PKIG: variants seen among roughly 807,000 people sequenced by gnomAD.
PKIG encodes cAMP-dependent protein kinase inhibitor gamma, also known as protein kinase (cAMP-dependent, catalytic) inhibitor gamma.
In PKIG, 1 loss-of-function variant was observed where a neutral mutation model predicts 6.8. The observed-to-expected ratio is 0.15, with a 90% CI of 0.05 to 0.69. The LOEUF (loss-of-function observed/expected upper bound fraction) is 0.69. Among genes scored for constraint, PKIG ranks in the 30% least tolerant of loss-of-function variants. The probability of loss-of-function intolerance (pLI) is 0.82; values close to 1 mark genes in which losing one functional copy is unlikely to be tolerated. For synonymous variants in PKIG, 39 were observed against 43.0 expected (o/e 0.91, Z 0.36); for missense variants, 77 against 104.0 (o/e 0.74, Z 1.13).
At chr20:44,554,195 A>G (rs1002456066) in intron 1 of PKIG, among the ~76,000 whole-genome samples, 1 of 151,918 alleles carries the variant, frequency 6.6e-6, no homozygotes, top group Non-Finnish European at 1.5e-5. Context: ...CTCGTGCCTC[A>G]GCCTTCCCAG....
At chr20:44,583,909 T>A (rs1031248625) in intron 1 of PKIG, among the ~76,000 whole-genome samples, 5 of 152,142 alleles carry the variant, frequency 3.3e-5, no homozygotes, top group African/African-American at 1.2e-4. Flanking sequence ...CAGGCAACAT[T>A]AAGTTACTTC....
At chr20:44,546,853 C>A (rs2064619893) in intron 1 of PKIG, among the ~76,000 whole-genome samples, 2 of 152,110 alleles carry the variant, frequency 1.3e-5, no homozygotes, top group Non-Finnish European at 2.9e-5. Flanking sequence ...TGCACCCAGG[C>A]CCCTCACTGA....
At position 44,549,709 on chromosome 20, in the gene PKIG, C is replaced by T. The variant is rs2064650477; in HGVS notation, c.-241+17731C>T. Among the ~76,000 whole-genome samples, 8 of 152,124 alleles carry T rather than the reference C, an allele frequency of 5.3e-5. No homozygotes were observed. The South Asian group carries it at 1.7e-3, about 32-fold the overall frequency. On this transcript the variant is annotated intron_variant, in intron 1 of 4. Transcript: ENST00000372887. ...ACATGGTATCACATGCTTGTAGTCTCAGCTACTTGGGAGGCTGAGGTGCGA... is the reference window on the plus strand; with the variant it reads ...ACATGGTATCACATGCTTGTAGTCTTAGCTACTTGGGAGGCTGAGGTGCGA...
chr20:44,562,174 GA>G (rs2064772494), intron 1 of PKIG, among the ~76,000 whole-genome samples: 1 of 151,906 alleles, frequency 6.6e-6, no homozygotes, highest in Non-Finnish European at 1.5e-5. Context: ...TAGAAGTTAT[GA>G]AGTATAAAGC....
At chr20:44,569,152 G>A (rs1164026970) in intron 1 of PKIG, among the ~76,000 whole-genome samples, 1 of 152,140 alleles carries the variant, frequency 6.6e-6, no homozygotes, top group Non-Finnish European at 1.5e-5. Flanking sequence ...TAGGAATGTT[G>A]TACCGTTTTC....
intron 1 of PKIG, among the ~76,000 whole-genome samples, chr20:44,549,020 C>T (rs2064643824): frequency 6.6e-6 from 1 of 152,172 alleles, no homozygotes; most frequent in South Asian, 2.1e-4. Context: ...GTCACATCCC[C>T]TGGGTATGAG....
At chr20:44,605,139 C>G (rs2065152704) in intron 2 of PKIG, among the ~76,000 whole-genome samples, 1 of 152,174 alleles carries the variant, frequency 6.6e-6, no homozygotes, top group South Asian at 2.1e-4. Flanking sequence ...GGTGCGGTGG[C>G]TCACGCCTGT....
At chr20:44,533,101 C>T (rs1006844564) in intron 1 of PKIG, among the ~76,000 whole-genome samples, 2 of 152,136 alleles carry the variant, frequency 1.3e-5, no homozygotes, top group Non-Finnish European at 2.9e-5. Flanking sequence ...TTTTGTGTTT[C>T]TCTCTTGGTC....
intron 1 of PKIG, among the ~76,000 whole-genome samples, chr20:44,563,152 A>C (rs191479458): frequency 4.6e-5 from 7 of 152,362 alleles, no homozygotes; most frequent in South Asian, 2.1e-4. Context: ...AGAAAGAATT[A>C]ATATTACACA....
At chr20:44,599,019 AGGTTTGT>A (rs2065097969) in intron 2 of PKIG, 1 of 152,190 alleles carries the variant, frequency 6.6e-6, no homozygotes, top group South Asian at 2.1e-4. Flanking sequence ...AAGATTCTGA[AGGTTTGT>A]ATCCAGCTGA....
chr20:44,556,602 A>G lies in PKIG; in HGVS notation c.-241+24624A>G, dbSNP rs527298124. Among the ~76,000 whole-genome samples, 1,203 of 152,150 alleles carry G rather than the reference A, an allele frequency of 7.9e-3. 6 individuals carry two copies. The highest frequency in any genetic ancestry group is 0.013 in the Non-Finnish European group (869 of 67,990). On this transcript the variant is annotated intron_variant, in intron 1 of 4. Coordinates refer to the PKIG transcript ENST00000372887. ...GGTCTTGAACTCCTGACCTCAGGTG[A>G]TCTGCCCCCCTTGTCCTCTCAAAGT...
At position 44,614,622 on chromosome 20, in the gene PKIG, G is replaced by A. The variant is rs761274365; in HGVS notation, c.66G>A (p.Ala22=). The A allele has an allele frequency of 9.9e-6, 16 of 1,613,742 alleles. No individual in the cohort carries two copies. The East Asian group carries it at 2.4e-4, about 25-fold the overall frequency. ...ISCDRTGRRN[A]VPDIQGDSEA... ...GTGACCGGACAGGCCGTCGGAATGC[G>A]GTCCCTGACATCCAGGGAGACTCAG... The change falls in exon 3 of 4, where the codon GCG becomes GCA. Residue 22 remains alanine, a synonymous_variant. Transcript: ENST00000372886. This position sits in a 1 kb window ranked among gnomAD's most constrained non-coding sequence, Gnocchi z 4.6.
At chr20:44,560,796 C>T (rs1600852478) in intron 1 of PKIG, among the ~76,000 whole-genome samples, 2 of 152,162 alleles carry the variant, frequency 1.3e-5, no homozygotes, top group East Asian at 3.9e-4. Flanking sequence ...CTGGCAGAAG[C>T]AAATGCAAAT....
At chr20:44,553,266 G>A (rs74635876) in intron 1 of PKIG, among the ~76,000 whole-genome samples, 7,961 of 152,156 alleles carry the variant, frequency 0.052, 295 homozygotes, top group South Asian at 0.15. Context: ...ATGCTGCCTC[G>A]GAGTGCCAGT....
intron 1 of PKIG, among the ~76,000 whole-genome samples, chr20:44,551,311 C>T (rs1044285801): frequency 6.6e-6 from 1 of 152,188 alleles, no homozygotes; most frequent in Non-Finnish European, 1.5e-5. Flanking sequence ...ACCTCGGCCT[C>T]CCAAAGTGCT....
chr20:44,597,183 CA>C (rs2065082286), intron 2 of PKIG, among the ~76,000 whole-genome samples: 2 of 152,118 alleles, frequency 1.3e-5, no homozygotes, highest in African/African-American at 4.8e-5. Context: ...CTCCACCCAG[CA>C]TTATTAGAAT....
chr20:44,557,863 T>C (rs1203679077), intron 1 of PKIG, among the ~76,000 whole-genome samples: 1 of 150,850 alleles, frequency 6.6e-6, no homozygotes, highest in African/African-American at 2.4e-5. Flanking sequence ...TGTGGTGGAG[T>C]ATATGGTACA....
intron 2 of PKIG, among the ~76,000 whole-genome samples, chr20:44,596,597 C>T (rs779244586): frequency 1.3e-5 from 2 of 152,200 alleles, no homozygotes; most frequent in South Asian, 2.1e-4. Context: ...TGTTGTTCAA[C>T]CGGTATTTAC....
intron 1 of PKIG, among the ~76,000 whole-genome samples, chr20:44,550,293 T>A (rs751974114): frequency 1.3e-5 from 2 of 151,698 alleles, no homozygotes; most frequent in Non-Finnish European, 2.9e-5. Flanking sequence ...ATAAACTCCA[T>A]CAAGTTCAAG....
Sources: gnomAD v4.1 joint callset for allele counts (sites outside exome capture counted in the v4.1 genomes callset) on GRCh38, gnomAD v4.1.1 for gene constraint, Gnocchi (gnomAD v3.1) non-coding constraint, MANE v1.5 for transcripts, NCBI Gene and HGNC (gene_info 2026-07-23, HGNC 2026-07-21) for gene names.